The following WASHC2C variants were observed in gnomAD, a reference collection of about 807,000 sequenced individuals.
WASHC2C encodes WASH complex subunit 2C, also known as Vaccinia Penetration Factor.
WASHC2C carries 73 observed loss-of-function variants against 142.2 expected under a neutral mutation model. That is an observed-to-expected ratio of 0.51 (90% CI 0.43 to 0.62). The LOEUF (loss-of-function observed/expected upper bound fraction) is 0.62. WASHC2C is among the 20% of genes least tolerant of loss of function. The probability of loss-of-function intolerance (pLI) is 0.00; values close to 1 mark genes in which losing one functional copy is unlikely to be tolerated. For synonymous variants in WASHC2C, 337 were observed against 565.5 expected, an observed-to-expected ratio of 0.60 and a Z score of 5.73; for missense variants, 969 against 1,531.7, an observed-to-expected ratio of 0.63 and a Z score of 6.13.
intron 21 of WASHC2C, among the ~76,000 whole-genome samples, chr10:45,773,830 C>G (rs74128818): frequency 6.9e-3 from 869 of 126,266 alleles, no homozygotes; most frequent in African/African-American, 0.025. Flanking sequence ...CTGTGGAATA[C>G]TATACAGTGG....
chr10:45,738,188 C>G lies in WASHC2C; in HGVS notation c.354+143C>G, dbSNP rs2051520721. 7 of 1,535,468 alleles carry G rather than the reference C, an allele frequency of 4.6e-6. No individual in the cohort carries two copies. In the South Asian group the frequency reaches 7.0e-5, roughly 15 times the overall value. On this transcript the variant is annotated intron_variant, in intron 4 of 30. Transcript: ENST00000623400. ...CCTGACAGCAGCCCAAGAGGGGATT[C>G]TTTCCTTTGTTTCTGAAATGTAGTA...
At chr10:45,762,077 T>C (rs1385989645) in intron 17 of WASHC2C, among the ~76,000 whole-genome samples, 1 of 151,758 alleles carries the variant, frequency 6.6e-6, no homozygotes, top group African/African-American at 2.4e-5. Flanking sequence ...TGTTCGGCTC[T>C]TGTGTATTGA....
chr10:45,747,397 G>A (rs1486015962), intron 8 of WASHC2C, among the ~76,000 whole-genome samples: 1 of 152,006 alleles, frequency 6.6e-6, no homozygotes, highest in Non-Finnish European at 1.5e-5. Context: ...ACCCACCTTG[G>A]CCTCCCAAAA....
intron 23 of WASHC2C, among the ~76,000 whole-genome samples, chr10:45,780,920 T>A (rs368582639): frequency 0.042 from 5,908 of 141,226 alleles, 104 homozygotes; most frequent in African/African-American, 0.09. Context: ...TGCCCAGCTA[T>A]TTTTTGTATT....
rs371373929 is a variant in WASHC2C at position 45,750,163 on chromosome 10, A to G, written c.800A>G (p.Lys267Arg). The change falls in exon 9 of 31, where the codon AAG becomes AGG. Residue 267 changes from lysine to arginine, a missense_variant. Physicochemically the swap from Lys to Arg is conservative, Grantham distance 26. Coordinates refer to ENST00000623400, the MANE Select transcript of WASHC2C (RefSeq NM_001330074.2). ...DGCDLFADSE[K>R]EEEDIEDIEE... The stretch of plus-strand genomic sequence containing the variant: ...TGTGACCTTTTTGCTGACTCTGAGA[A>G]GGAGGAGGAAGATATTGAGGACATT... The G allele has an allele frequency of 6.2e-7, 1 of 1,611,430 alleles. No homozygotes were observed. The highest frequency in any genetic ancestry group is 8.5e-7 in the Non-Finnish European group (1 of 1,179,776).
intron 17 of WASHC2C, among the ~76,000 whole-genome samples, chr10:45,762,205 G>T (rs2055190194): frequency 6.6e-6 from 1 of 151,320 alleles, no homozygotes; most frequent in Non-Finnish European, 1.5e-5. Flanking sequence ...AAAATTTCTT[G>T]ATTTTTATAT....
chr10:45,730,310 G>A (rs528340917), intron 3 of WASHC2C, among the ~76,000 whole-genome samples: 312 of 142,288 alleles, frequency 2.2e-3, no homozygotes, highest in Non-Finnish European at 3.7e-3. Context: ...TCCTGCCATT[G>A]TACTCCAGCC....
intron 17 of WASHC2C, among the ~76,000 whole-genome samples, chr10:45,762,765 G>T (rs1322635688): frequency 1.3e-5 from 2 of 152,068 alleles, no homozygotes; most frequent in African/African-American, 4.8e-5. Context: ...AATTAGCCGG[G>T]CGTGGTGGCA....
At chr10:45,763,714 T>TG (rs1453222997) in intron 18 of WASHC2C, among the ~76,000 whole-genome samples, 1 of 140,420 alleles carries the variant, frequency 7.1e-6, no homozygotes, top group Non-Finnish European at 1.5e-5. Flanking sequence ...ACGCAGTTCT[T>TG]TTTTTTTTTT....
chr10:45,763,819 G>C (rs545300404), intron 18 of WASHC2C, among the ~76,000 whole-genome samples: 2 of 151,092 alleles, frequency 1.3e-5, no homozygotes, highest in Admixed American at 6.6e-5. Context: ...CTCCTGCCTC[G>C]ACCTCCCAAG....
intron 25 of WASHC2C, 147 bp downstream of exon 25, chr10:45,785,048 G>A (rs1431108549): frequency 3.3e-5 from 52 of 1,559,844 alleles, no homozygotes; most frequent in South Asian, 3.0e-4. Flanking sequence ...CGAGGGGAGC[G>A]TGTGTGGAGG....
At chr10:45,738,315 T>G (rs2051539944) in intron 4 of WASHC2C, among the ~76,000 whole-genome samples, 1 of 150,842 alleles carries the variant, frequency 6.6e-6, no homozygotes, top group South Asian at 2.1e-4. Flanking sequence ...ATATTACAGA[T>G]TTGGAGGGTC....
Position 45,731,895 on chromosome 10 carries a change from T to C in WASHC2C, c.291+2869T>C, listed in dbSNP as rs2610500. On this transcript the variant is annotated intron_variant, in intron 3 of 30. Coordinates refer to ENST00000623400, the MANE Select transcript of WASHC2C (RefSeq NM_001330074.2). Reference sequence around the variant, plus strand: ...CTGCAAGCTCTACCTCCCGGGTTCATGCCATTCTCCTGCCTCAGCCTCCTG... The same window carrying C: ...CTGCAAGCTCTACCTCCCGGGTTCACGCCATTCTCCTGCCTCAGCCTCCTG... 7.5e-4 allele frequency among the ~76,000 whole-genome samples: 112 copies of C among 149,298 alleles called. No homozygotes were observed. The South Asian group carries it at 0.014, about 19-fold the overall frequency.
At chr10:45,785,411 T>C in intron 25 of WASHC2C, 98 bp from the exon 26 acceptor site, 1 of 1,474,118 alleles carries the variant, frequency 6.8e-7, no homozygotes, top group South Asian at 1.3e-5. Flanking sequence ...AGAAAGTATT[T>C]TTAAGACTCA....
chr10:45,728,171 C>A (rs1423631647), intron 2 of WASHC2C, among the ~76,000 whole-genome samples: 2 of 152,082 alleles, frequency 1.3e-5, no homozygotes, highest in African/African-American at 4.8e-5. Flanking sequence ...CTATAGGCGT[C>A]CACCACACCT....
At chr10:45,760,871 G>A (rs1365196281) in intron 17 of WASHC2C, among the ~76,000 whole-genome samples, 1 of 150,404 alleles carries the variant, frequency 6.6e-6, no homozygotes, top group Non-Finnish European at 1.5e-5. Flanking sequence ...TGCCATGAGG[G>A]CAGGACTTTG....
rs377443085 is a variant in WASHC2C at position 45,762,072 on chromosome 10, G to A, written c.1636-1316G>A. Among the ~76,000 whole-genome samples the A allele has an allele frequency of 1.6e-3, 238 of 149,822 alleles. No individual in the cohort carries two copies. In the South Asian group the frequency reaches 0.016, roughly 10 times the overall value. The stretch of plus-strand genomic sequence containing the variant: ...ATCTTCTTGTCCTATTTAATTGTTC[G>A]GCTCTTGTGTATTGAAGTTTATCTT... On this transcript the variant is annotated intron_variant, in intron 17 of 30. Coordinates refer to ENST00000623400, the MANE Select transcript of WASHC2C (RefSeq NM_001330074.2).
At chr10:45,772,731 T>C in intron 20 of WASHC2C, among the ~76,000 whole-genome samples, 1 of 152,034 alleles carries the variant, frequency 6.6e-6, no homozygotes, top group Non-Finnish European at 1.5e-5. Context: ...GTAAAATAAA[T>C]ATTAAAAATA....
chr10:45,785,373 A>G (rs1264682580), intron 25 of WASHC2C, 136 bp from the exon 26 acceptor site: 8 of 961,114 alleles, frequency 8.3e-6, no homozygotes, highest in East Asian at 2.6e-5. Context: ...CTGAAATGCT[A>G]CCTTTGAGTT....
Sources: allele counts gnomAD v4.1 joint callset (sites outside exome capture counted in the v4.1 genomes callset), GRCh38; gene constraint gnomAD v4.1.1; transcripts MANE v1.5; gene names NCBI Gene and HGNC (gene_info 2026-07-23, HGNC 2026-07-21).